Variants in TATDN1 observed in about 807,000 individuals in gnomAD.
TATDN1 encodes the protein deoxyribonuclease TATDN1.
A neutral mutation model predicts 46.4 loss-of-function variants in TATDN1; 40 were observed. The ratio of observed to expected loss-of-function variants is 0.86; its 90% confidence interval spans 0.67 to 1.12. The LOEUF is 1.12. Ranked by LOEUF, TATDN1 falls within the 50% of genes most tolerant of loss-of-function variation. TATDN1 has a pLI of 0.00. For synonymous variants in TATDN1, 95 were observed against 105.6 expected, an observed-to-expected ratio of 0.90 and a Z score of 0.62; for missense variants, 326 against 348.4, an observed-to-expected ratio of 0.94 and a Z score of 0.51.
intron 1 of TATDN1, among the ~76,000 whole-genome samples, chr8:124,536,873 T>C (rs192590495): frequency 2.0e-5 from 3 of 151,994 alleles, no homozygotes; most frequent in African/African-American, 7.2e-5. Context: ...AAGGATAGAA[T>C]GCATAATATG....
chr8:124,498,213 C>A (rs2131366477), intron 9 of TATDN1, among the ~76,000 whole-genome samples: 1 of 152,188 alleles, frequency 6.6e-6, no homozygotes, highest in South Asian at 2.1e-4. Flanking sequence ...GCCTGTTTTA[C>A]TGCCAGTTCT....
Position 124,522,219 on chromosome 8 carries a change from G to T in TATDN1, c.89-19C>A. 5 of 1,539,986 alleles carry T rather than the reference G, an allele frequency of 3.2e-6. No homozygotes were observed. Among genetic ancestry groups the T allele is most frequent in the Admixed American group, 2.0e-5 (1 of 49,582 alleles). Reference sequence around the variant, plus strand: ...AAGTCATCTGTAAAAGATAAACTCTGTATTATGAAAACCTGGCAGACAAAA... The same window carrying T: ...AAGTCATCTGTAAAAGATAAACTCTTTATTATGAAAACCTGGCAGACAAAA... On this transcript the variant is annotated intron_variant, in intron 2 of 11. Coordinates refer to ENST00000276692, the MANE Select transcript of TATDN1 (RefSeq NM_032026.4).
At chr8:124,497,342 T>G (rs550510446) in intron 9 of TATDN1, among the ~76,000 whole-genome samples, 1 of 150,786 alleles carries the variant, frequency 6.6e-6, no homozygotes, top group African/African-American at 2.4e-5. Context: ...CTGGAGTGCG[T>G]TGGCAAAATC....
intron 9 of TATDN1, among the ~76,000 whole-genome samples, chr8:124,499,364 C>T (rs1168656198): frequency 6.6e-6 from 1 of 152,058 alleles, no homozygotes; most frequent in African/African-American, 2.4e-5. Flanking sequence ...TATTTTTGAT[C>T]TCACTAAATC....
rs1025711472 is a variant in TATDN1, at chr8:124,537,417, T to C, written c.22+1608A>G. Among the ~76,000 whole-genome samples, 6 of 152,172 alleles carry C rather than the reference T, an allele frequency of 3.9e-5. No individual in the cohort carries two copies. In the East Asian group the frequency reaches 5.8e-4, roughly 15 times the overall value. ...AACAAACAGCATGCACAAGTGTTTATAGAGCAGCCCAGGGATGGGCTAGAA... is the reference window on the plus strand; with the variant it reads ...AACAAACAGCATGCACAAGTGTTTACAGAGCAGCCCAGGGATGGGCTAGAA... On this transcript the variant is annotated intron_variant, in intron 1 of 11. Transcript: ENST00000276692.
intron 6 of TATDN1, 40 bp downstream of exon 6, chr8:124,515,706 T>C (rs1311478465): frequency 3.8e-6 from 6 of 1,579,882 alleles, no homozygotes. Flanking sequence ...AAATCACTCA[T>C]GATTTTACAA....
chr8:124,521,905 AT>A (rs1250017740), intron 3 of TATDN1: 5 of 330,846 alleles, frequency 1.5e-5, no homozygotes, highest in East Asian at 5.3e-5. Context: ...GGTTTAAAAA[AT>A]TTTTTTTCAA....
At chr8:124,506,745 GGA>G (rs1321156837) in intron 8 of TATDN1, among the ~76,000 whole-genome samples, 1 of 152,094 alleles carries the variant, frequency 6.6e-6, no homozygotes, top group Non-Finnish European at 1.5e-5. Context: ...TAATCTACCT[GGA>G]TTACAGTTCT....
chr8:124,517,739 A>G (rs1819609005), intron 4 of TATDN1, among the ~76,000 whole-genome samples: 1 of 152,252 alleles, frequency 6.6e-6, no homozygotes, highest in Admixed American at 6.5e-5. Flanking sequence ...AACATAAAGC[A>G]AGGATATGAG....
At chr8:124,529,521 A>G (rs568562289) in intron 1 of TATDN1, among the ~76,000 whole-genome samples, 1 of 152,278 alleles carries the variant, frequency 6.6e-6, no homozygotes, top group African/African-American at 2.4e-5. Context: ...AGTGTGCCCA[A>G]AGCTGTGCAG....
At chr8:124,502,407 G>A (rs1233382286) in intron 9 of TATDN1, among the ~76,000 whole-genome samples, 1 of 151,898 alleles carries the variant, frequency 6.6e-6, no homozygotes, top group Non-Finnish European at 1.5e-5. Context: ...CTTGTAAGAG[G>A]AAGAGCAGAA....
chr8:124,520,772 C>T (rs1819962829), intron 3 of TATDN1, among the ~76,000 whole-genome samples: 2 of 151,756 alleles, frequency 1.3e-5, no homozygotes, highest in African/African-American at 2.4e-5. Flanking sequence ...GAAACCCCGT[C>T]TCTACTAAAA....
rs541079164 is a variant in TATDN1, at chr8:124,515,070, G to A, written c.389+676C>T. On this transcript the variant is annotated intron_variant, in intron 6 of 11. Transcript: ENST00000276692. The stretch of plus-strand genomic sequence containing the variant: ...CTCTCAAACAGCTGCGACTACAGAC[G>A]CAGGCTGCTGTGCCTGGCTTGTAAT... 1.1e-4 allele frequency among the ~76,000 whole-genome samples: 16 copies of A among 152,248 alleles called. No homozygotes were observed. The South Asian group carries it at 3.3e-3, about 32-fold the overall frequency.
intron 8 of TATDN1, among the ~76,000 whole-genome samples, chr8:124,505,276 C>T (rs1019831414): frequency 3.3e-5 from 5 of 151,154 alleles, no homozygotes; most frequent in Admixed American, 6.6e-5. Flanking sequence ...CCCAACTACT[C>T]GGGAGGCTGA....
chr8:124,518,637 C>T, intron 4 of TATDN1, 181 bp downstream of exon 4: 1 of 554,864 alleles, frequency 1.8e-6, no homozygotes, highest in Non-Finnish European at 3.2e-6. Context: ...GTTTTATAAA[C>T]ATCTGATATA....
At chr8:124,526,084 C>A (rs916050482) in intron 1 of TATDN1, among the ~76,000 whole-genome samples, 2 of 152,228 alleles carry the variant, frequency 1.3e-5, no homozygotes, top group Admixed American at 1.3e-4. Context: ...GCCATACACC[C>A]TATAGTTCAA....
chr8:124,528,452 G>A (rs534175260), intron 1 of TATDN1, among the ~76,000 whole-genome samples: 3 of 152,052 alleles, frequency 2.0e-5, no homozygotes, highest in African/African-American at 7.2e-5. Context: ...GGATCACAGG[G>A]GTGAGCCACT....
In TATDN1 at chr8:124,508,472, A is replaced by G. The variant is rs1450891960; in HGVS notation, c.516+2T>C. The G allele has an allele frequency of 1.2e-6, 2 of 1,612,190 alleles. No homozygotes were observed. Among genetic ancestry groups the G allele is most frequent in the Admixed American group, 3.3e-5 (2 of 59,920 alleles). ...TATTAAAAATGACTATTTTATACTT[A>G]CCACTCCCCCTACACACCGATCTCT... On this transcript the variant is annotated splice_donor_variant, in intron 8 of 11. Coordinates refer to ENST00000276692, the MANE Select transcript of TATDN1 (RefSeq NM_032026.4). LOFTEE classifies it high-confidence loss of function.
intron 1 of TATDN1, among the ~76,000 whole-genome samples, chr8:124,526,104 G>A (rs1393661027): frequency 1.3e-5 from 2 of 152,128 alleles, no homozygotes; most frequent in African/African-American, 4.8e-5. Context: ...ACAATACATA[G>A]CCAATCACTA....
Sources: allele counts gnomAD v4.1 joint callset (sites outside exome capture counted in the v4.1 genomes callset), GRCh38; gene constraint gnomAD v4.1.1; transcripts MANE v1.5; gene names NCBI Gene and HGNC (gene_info 2026-07-23, HGNC 2026-07-21).